Variants in NUGGC observed in about 807,000 individuals in gnomAD.
NUGGC encodes nuclear GTPase SLIP-GC.
In NUGGC, 58 loss-of-function variants were observed where a neutral mutation model predicts 92.6. That is an observed-to-expected ratio of 0.63 (90% CI 0.51 to 0.78). The LOEUF (loss-of-function observed/expected upper bound fraction) is 0.78, where lower values mean the gene tolerates loss of function less well. Among genes scored for constraint, NUGGC ranks in the 30% least tolerant of loss-of-function variants. The pLI is 0.00. For missense variants in NUGGC, 925 were observed against 964.6 expected (o/e 0.96, Z 0.54); for synonymous variants, 376 against 366.4 (o/e 1.03, Z -0.30).
chr8:28,079,397 C>T (rs541876725), intron 1 of NUGGC, among the ~76,000 whole-genome samples: 9 of 152,074 alleles, frequency 5.9e-5, no homozygotes, highest in African/African-American at 1.2e-4. Flanking sequence ...AAAATTAGCC[C>T]GGTGTGGTGG....
At chr8:28,049,977 C>T (rs576919208) in intron 10 of NUGGC, among the ~76,000 whole-genome samples, 11 of 152,184 alleles carry the variant, frequency 7.2e-5, no homozygotes, top group Admixed American at 4.6e-4. Flanking sequence ...GTCCCAACTA[C>T]TCGGGAGGCT....
At chr8:28,024,171 C>T (rs977044529) in intron 18 of NUGGC, among the ~76,000 whole-genome samples, 2 of 151,918 alleles carry the variant, frequency 1.3e-5, no homozygotes, top group African/African-American at 4.8e-5. Flanking sequence ...CAGGCACCCA[C>T]CACCTCGCCT....
chr8:28,024,840 G>T (rs1272017207), intron 18 of NUGGC, among the ~76,000 whole-genome samples: 2 of 152,100 alleles, frequency 1.3e-5, no homozygotes, highest in Non-Finnish European at 2.9e-5. Flanking sequence ...GCTTCCCCGC[G>T]TCCCAGCCCT....
At chr8:28,024,974 C>A (rs1272470884) in intron 18 of NUGGC, among the ~76,000 whole-genome samples, 1 of 152,194 alleles carries the variant, frequency 6.6e-6, no homozygotes, top group Non-Finnish European at 1.5e-5. Context: ...CCTGTCCCAC[C>A]ACCCTGTCCC....
At chr8:28,080,445 G>A (rs558407493) in intron 1 of NUGGC, among the ~76,000 whole-genome samples, 6 of 152,042 alleles carry the variant, frequency 3.9e-5, no homozygotes, top group African/African-American at 7.2e-5. Flanking sequence ...ACCTTGCCTC[G>A]CATCATTAAC....
At chr8:28,063,069 A>G (rs757952674) in intron 7 of NUGGC, among the ~76,000 whole-genome samples, 4 of 152,138 alleles carry the variant, frequency 2.6e-5, no homozygotes, top group Admixed American at 6.5e-5. Context: ...GTGGCAGATC[A>G]GATTCAGGGA....
intron 1 of NUGGC, among the ~76,000 whole-genome samples, chr8:28,075,901 G>T (rs1393359358): frequency 1.3e-5 from 2 of 152,170 alleles, no homozygotes; most frequent in Non-Finnish European, 2.9e-5. Flanking sequence ...ACTCCTTACA[G>T]TTCTCCAAAG....
intron 1 of NUGGC, among the ~76,000 whole-genome samples, chr8:28,077,448 T>C (rs1810751108): frequency 6.6e-6 from 1 of 151,316 alleles, no homozygotes; most frequent in African/African-American, 2.4e-5. Context: ...ACACCTGTAG[T>C]ACCCACTATT....
chr8:28,026,762 TTCA>T (rs35745694), intron 18 of NUGGC, among the ~76,000 whole-genome samples, 197 bp downstream of exon 18: 74,809 of 150,626 alleles, frequency 0.5, 19,261 homozygotes, highest in Middle Eastern at 0.61. Context: ...GGCTGTTGTT[TTCA>T]TCATCATCAT....
intron 1 of NUGGC, among the ~76,000 whole-genome samples, chr8:28,076,764 G>A (rs1273442373): frequency 6.6e-6 from 1 of 152,194 alleles, no homozygotes; most frequent in Non-Finnish European, 1.5e-5. Context: ...GCAGAAGATG[G>A]GGGCAGGGGC....
At chr8:28,042,005 C>T (rs886310259) in intron 12 of NUGGC, among the ~76,000 whole-genome samples, 1 of 152,074 alleles carries the variant, frequency 6.6e-6, no homozygotes, top group African/African-American at 2.4e-5. Context: ...GATTGGCTTT[C>T]CCCATACTGT....
Position 28,060,509 on chromosome 8 carries a change from G to C in NUGGC, c.1014C>G (p.Ile338Met), listed in dbSNP as rs1810273704. The C allele has an allele frequency of 6.2e-7, 1 of 1,613,718 alleles. No homozygotes were observed. ...TACAGAAGCCCCGCTGGCAGGCTTTGATGCTCTCATTCAGAAGGTCTTCGT... is the reference window on the plus strand; with the variant it reads ...TACAGAAGCCCCGCTGGCAGGCTTTCATGCTCTCATTCAGAAGGTCTTCGT... ...QAHEDLLNES[I>M]KACQRGFCRD... Residue 338 changes from isoleucine (I) to methionine (M), a missense_variant, in exon 8 of 19, where the codon ATC (isoleucine) becomes ATG (methionine). Physicochemically the swap from Ile to Met is conservative, Grantham distance 10. Coordinates refer to ENST00000413272, the MANE Select transcript of NUGGC (RefSeq NM_001010906.2).
intron 1 of NUGGC, among the ~76,000 whole-genome samples, chr8:28,076,692 G>A (rs1810730427): frequency 6.6e-6 from 1 of 152,212 alleles, no homozygotes; most frequent in Admixed American, 6.5e-5. Context: ...GGCACTCACA[G>A]TGAGGACTGC....
chr8:28,040,759 G>A (rs1163894712), intron 13 of NUGGC, among the ~76,000 whole-genome samples: 2 of 151,666 alleles, frequency 1.3e-5, no homozygotes, highest in Admixed American at 1.3e-4. Context: ...CAATTCTCCT[G>A]CCTCAGCCTC....
chr8:28,043,482 A>G (rs1241497864), intron 12 of NUGGC, among the ~76,000 whole-genome samples: 2 of 152,232 alleles, frequency 1.3e-5, no homozygotes, highest in Non-Finnish European at 2.9e-5. Flanking sequence ...CCAACTTTCT[A>G]TCAAAGAGCT....
intron 17 of NUGGC, among the ~76,000 whole-genome samples, 167 bp downstream of exon 17, chr8:28,029,099 A>T (rs2130071247): frequency 6.6e-6 from 1 of 152,274 alleles, no homozygotes; most frequent in South Asian, 2.1e-4. Flanking sequence ...GAAAGAGGAG[A>T]GGCACAAGAG....
intron 14 of NUGGC, among the ~76,000 whole-genome samples, chr8:28,032,588 G>A (rs1293789971): frequency 6.6e-6 from 1 of 151,154 alleles, no homozygotes; most frequent in Non-Finnish European, 1.5e-5. Context: ...CATGGTGGCA[G>A]GTGCCTATAG....
At chr8:28,052,854 A>C (rs1361449344) in intron 10 of NUGGC, among the ~76,000 whole-genome samples, 1 of 152,330 alleles carries the variant, frequency 6.6e-6, no homozygotes, top group South Asian at 2.1e-4. Context: ...TCAGCATTGA[A>C]AGGTCAGCAT....
rs1256711040 is a variant in NUGGC at position 28,068,372 on chromosome 8, G to A, written c.324C>T (p.Ser108=). 3.8e-6 allele frequency: 6 copies of A among 1,582,446 alleles called. No individual in the cohort carries two copies. Among genetic ancestry groups the A allele is most frequent in the East Asian group, 2.3e-5 (1 of 43,628 alleles). ...VDPIYIALFG[S]TGAGKSSLIN... is the part of the protein sequence containing the mutation. ...TCAGGGAGCTCTTCCCAGCCCCAGTGCTTCCAAATAATGCAATGTAGATTG... is the reference window on the plus strand; with the variant it reads ...TCAGGGAGCTCTTCCCAGCCCCAGTACTTCCAAATAATGCAATGTAGATTG... The change falls in exon 5 of 19, where the codon AGC becomes AGT. Residue 108 remains serine (S), a synonymous_variant. Transcript: ENST00000413272.
Sources: gnomAD v4.1 joint callset for allele counts (sites outside exome capture counted in the v4.1 genomes callset) on GRCh38, gnomAD v4.1.1 for gene constraint, MANE v1.5 for transcripts, NCBI Gene and HGNC (gene_info 2026-07-23, HGNC 2026-07-21) for gene names.